The following RBM3 variants were observed in gnomAD, a reference collection of about 807,000 sequenced individuals.
The protein encoded by RBM3 is RNA binding motif protein 3.
In RBM3, 3 loss-of-function variants were observed where a neutral mutation model predicts 12.0. The ratio of observed to expected loss-of-function variants is 0.25; its 90% CI spans 0.11 to 0.65. The LOEUF (loss-of-function observed/expected upper bound fraction) is 0.65, where lower values mean the gene tolerates loss of function less well. Among genes scored for constraint, RBM3 ranks in the 30% least tolerant of loss-of-function variants. The pLI, the probability that RBM3 is intolerant of heterozygous loss-of-function variation, is 0.84. For synonymous variants in RBM3, 58 were observed against 45.7 expected, an observed-to-expected ratio of 1.27 and a Z score of -1.08; for missense variants, 108 against 134.5, an observed-to-expected ratio of 0.80 and a Z score of 0.97.
Position 48,576,392 on chromosome X carries a change from C to A in RBM3, c.289C>A (p.His97Asn). ...RGTRGGGFGA[H>N]GRGRSYSRGG... ...AACCAGAGGAGGTGGCTTTGGGGCC[C>A]ATGGGCGTGGTCGCAGCTACTCTAG... Residue 97 changes from histidine (H) to asparagine (N), a missense_variant, in exon 4 of 7, where the codon CAT becomes AAT. By Grantham distance (68) the His-to-Asn change is moderately conservative (BLOSUM62 1). This residue lies in a region of RBM3 where 65 missense variants were observed against 54.9 expected (regional missense o/e 1.18). Transcript: ENST00000376759. 8.3e-7 allele frequency: 1 copy of A among 1,210,890 alleles called. No homozygotes were observed. Among genetic ancestry groups the A allele is most frequent in the Admixed American group, 2.2e-5 (1 of 45,924 alleles).
At chrX:48,575,942 G>A (rs2062078082) in intron 3 of RBM3, 1 of 576,793 alleles carries the variant, frequency 1.7e-6, no homozygotes, top group Admixed American at 4.0e-5. Flanking sequence ...CTGCAGACCT[G>A]TGGGCCTGGC....
chrX:48,575,417 A>C, intron 2 of RBM3, 134 bp downstream of exon 2: 1 of 796,435 alleles, frequency 1.3e-6, no homozygotes, highest in Non-Finnish European at 1.8e-6. Flanking sequence ...GGTGTAGACT[A>C]AGGATGAGGG....
chrX:48,579,300 A>G lies in RBM3; in HGVS notation c.*1859A>G, dbSNP rs991731174. 5.4e-5 allele frequency among the ~76,000 whole-genome samples: 6 copies of G among 112,049 alleles called. No individual in the cohort carries two copies. Among genetic ancestry groups the G allele is most frequent in the African/African-American group, 1.3e-4 (4 of 30,862 alleles). On this transcript the variant is annotated 3_prime_UTR_variant, in exon 7 of 7. Transcript: ENST00000376759. ...ACCACCAGGTTGCAAACTCCAGGAC[A>G]TTATTGTCCTGAGCTGCCTATTCCC... is the stretch of plus-strand genomic sequence containing the variant.
rs1556989301 is a variant in RBM3, at chrX:48,576,547, A to G, written c.356A>G (p.Asp119Gly). 1.7e-5 allele frequency: 20 copies of G among 1,187,483 alleles called. No homozygotes were observed. The highest frequency in any genetic ancestry group is 1.7e-5 in the Non-Finnish European group (15 of 882,917). ...GGCTATGGGAGTGGCAGGTATTATG[A>G]CAGTCGACCTGGAGGGTATGGATAT... The part of the protein sequence containing the change: ...DQGYGSGRYY[D>G]SRPGGYGYGY... The change falls in exon 5 of 7, where the codon GAC (aspartate) becomes GGC (glycine). Residue 119 changes from aspartate (D) to glycine (G), a missense_variant. Physicochemically the swap from Asp to Gly is moderately conservative, Grantham distance 94. Transcript: ENST00000376759.
intron 3 of RBM3, chrX:48,576,022 C>A (rs2062078342): frequency 1.0e-6 from 1 of 964,442 alleles, no homozygotes; most frequent in East Asian, 3.4e-5. Context: ...GTCTGTCTAG[C>A]CCTGATAGTC....
intron 5 of RBM3, 137 bp downstream of exon 5, chrX:48,576,741 T>G: frequency 9.9e-7 from 1 of 1,007,371 alleles, no homozygotes; most frequent in Non-Finnish European, 1.3e-6. Flanking sequence ...GCATTTTAAG[T>G]TAATTGTGTA....
In RBM3 at chrX:48,578,368, T is replaced by C. The variant is rs1254866321; in HGVS notation, c.*927T>C. ...TGGGCGGATCACCTGAGGTCAGGAGTTCGAGACCAGCCTGGCCAACAGGGC... is the reference window on the plus strand; with the variant it reads ...TGGGCGGATCACCTGAGGTCAGGAGCTCGAGACCAGCCTGGCCAACAGGGC... On this transcript the variant is annotated 3_prime_UTR_variant, in exon 7 of 7. Transcript: ENST00000376759. 1 of 110,197 alleles carries C rather than the reference T, an allele frequency of 9.1e-6. No individual in the cohort carries two copies. Among genetic ancestry groups the C allele is most frequent in the Non-Finnish European group, 1.9e-5 (1 of 52,794 alleles). 9.1% of individuals were successfully genotyped at this position (110,197 alleles called of 1,213,427 possible). A position where few individuals can be genotyped will look rare whatever the true frequency, so the allele number is the denominator to read the frequency against.
At chrX:48,576,100 G>A in intron 3 of RBM3, 1 of 1,145,727 alleles carries the variant, frequency 8.7e-7, no homozygotes, top group Non-Finnish European at 1.2e-6. Context: ...AGTAGCAAGG[G>A]GAACATGGTG....
chrX:48,576,126 G>A lies in RBM3; in HGVS notation c.211-188G>A, dbSNP rs1402554751. On this transcript the variant is annotated intron_variant, in intron 3 of 6. Coordinates refer to ENST00000376759, the MANE Select transcript of RBM3 (RefSeq NM_006743.5). The stretch of plus-strand genomic sequence containing the variant: ...GAACATGGTGCATTCAGGTCATTTT[G>A]TGTGGGATTCTATAGCTCCTGATGA... 4 of 1,157,204 alleles carry A rather than the reference G, an allele frequency of 3.5e-6. No homozygotes were observed. The African/African-American group carries it at 7.2e-5, about 21-fold the overall frequency.
Position 48,576,582 on chromosome X carries a change from C to T in RBM3, c.391C>T (p.Arg131Cys), listed in dbSNP as rs2062081176. The stretch of plus-strand genomic sequence containing the variant: ...TGGAGGGTATGGATATGGATATGGA[C>T]GTTCCAGAGACTATAATGGCAGGTG... ...RPGGYGYGYG[R>C]SRDYNGRNQG... Residue 131 changes from arginine (R) to cysteine (C), a missense_variant, in exon 5 of 7, where the codon CGT becomes TGT. This residue lies in a region of RBM3 where 65 missense variants were observed against 54.9 expected (regional missense o/e 1.18). Transcript: ENST00000376759. 2 of 1,175,339 alleles carry T rather than the reference C, an allele frequency of 1.7e-6. No individual in the cohort carries two copies. Among genetic ancestry groups the T allele is most frequent in the Non-Finnish European group, 1.1e-6 (1 of 877,515 alleles).
At position 48,579,991 on chromosome X, in the gene RBM3, A is replaced by G. The variant is rs235826; in HGVS notation, c.*2550A>G. On this transcript the variant is annotated 3_prime_UTR_variant, in exon 7 of 7. Coordinates refer to ENST00000376759, the MANE Select transcript of RBM3 (RefSeq NM_006743.5). ...CCCTTAAAGTGCTTGTTGGTCTCCT[A>G]CTTTGGTTTGTCTTCAGCATCCAAC... 0.47 allele frequency: 52,025 copies of G among 109,677 alleles called. 9,724 individuals carry two copies. Among genetic ancestry groups the G allele is most frequent in the Middle Eastern group, 0.58 (125 of 214 alleles). The allele number at this position is 109,677 out of a possible 1,213,427, so 9.0% of individuals were successfully genotyped here.
rs1556989946 is a variant in RBM3, at chrX:48,578,716, T to C, written c.*1275T>C. ...TTCCTTAACTGGTCTCTTATCTTAG[T>C]CCCATTGTTCTGAGAACATAAGCAC... On this transcript the variant is annotated 3_prime_UTR_variant, in exon 7 of 7. Transcript: ENST00000376759. 1 of 112,034 alleles carries C rather than the reference T, an allele frequency of 8.9e-6. No individual in the cohort carries two copies. Among genetic ancestry groups the C allele is most frequent in the Admixed American group, 9.5e-5 (1 of 10,481 alleles). The allele number at this position is 112,034 out of a possible 1,213,427, so 9.2% of individuals were successfully genotyped here.
Position 48,579,473 on chromosome X carries a change from C to T in RBM3, c.*2032C>T, listed in dbSNP as rs1482002477. ...ATTTGCTTTGGCAGGTGGATGGAGA[C>T]TTGGGAACTTCCACCTCACCCACTA... On this transcript the variant is annotated 3_prime_UTR_variant, in exon 7 of 7. Coordinates refer to ENST00000376759, the MANE Select transcript of RBM3 (RefSeq NM_006743.5). Among the ~76,000 whole-genome samples, 1 of 111,902 alleles carries T rather than the reference C, an allele frequency of 8.9e-6. No homozygotes were observed. The highest frequency in any genetic ancestry group is 3.2e-5 in the African/African-American group (1 of 30,801).
In RBM3 at chrX:48,580,340, A is replaced by T. The variant is rs2062096991; in HGVS notation, c.*2899A>T. On this transcript the variant is annotated 3_prime_UTR_variant, in exon 7 of 7. Coordinates refer to ENST00000376759, the MANE Select transcript of RBM3 (RefSeq NM_006743.5). ...GTTTAATTTCTTCTCTGCCTCAGTT[A>T]TAACATCCATAAAATGGAAATAATA... Among the ~76,000 whole-genome samples the T allele has an allele frequency of 8.9e-6, 1 of 111,833 alleles. No individual in the cohort carries two copies. Among genetic ancestry groups the T allele is most frequent in the Admixed American group, 9.6e-5 (1 of 10,398 alleles).
At chrX:48,576,643 C>A in intron 5 of RBM3, 39 bp downstream of exon 5, 1 of 1,158,687 alleles carries the variant, frequency 8.6e-7, no homozygotes, top group Non-Finnish European at 1.2e-6. Context: ...CCTATTGCTT[C>A]CCTCTCCTTA....
In RBM3 at chrX:48,578,305, A is replaced by C. The variant is rs1376654749; in HGVS notation, c.*864A>C. ...CCTGAGAACAAACTGCTTTATTCTT[A>C]CTCAGCCCATTTTGCAAATTAAAAG... On this transcript the variant is annotated 3_prime_UTR_variant, in exon 7 of 7. Coordinates refer to ENST00000376759, the MANE Select transcript of RBM3 (RefSeq NM_006743.5). The C allele has an allele frequency of 1.8e-5, 2 of 110,761 alleles. No individual in the cohort carries two copies. The highest frequency in any genetic ancestry group is 1.9e-4 in the Admixed American group (2 of 10,260). 9.1% of individuals were successfully genotyped at this position (110,761 alleles called of 1,213,427 possible). A position where few individuals can be genotyped will look rare whatever the true frequency, so the allele number is the denominator to read the frequency against.
intron 6 of RBM3, 105 bp downstream of exon 6, chrX:48,577,214 C>T: frequency 8.6e-7 from 1 of 1,160,864 alleles, no homozygotes; most frequent in East Asian, 3.2e-5. Context: ...GCCCTCATAC[C>T]TCACCCAGCC....
intron 6 of RBM3, 42 bp downstream of exon 6, chrX:48,577,151 A>G (rs1225050237): frequency 8.3e-7 from 1 of 1,206,120 alleles, no homozygotes; most frequent in African/African-American, 1.8e-5. Flanking sequence ...TGTTTGTCAC[A>G]CTCTGTCATG....
Position 48,581,154 on chromosome X carries a change from G to T in RBM3, c.*3713G>T, listed in dbSNP as rs2062100352. 1 of 110,392 alleles carries T rather than the reference G, an allele frequency of 9.1e-6. No homozygotes were observed. Among genetic ancestry groups the T allele is most frequent in the African/African-American group, 3.3e-5 (1 of 30,289 alleles). The allele number at this position is 110,392 out of a possible 1,213,427, so 9.1% of individuals were successfully genotyped here. On this transcript the variant is annotated 3_prime_UTR_variant, in exon 7 of 7. Coordinates refer to ENST00000376759, the MANE Select transcript of RBM3 (RefSeq NM_006743.5). ...TATTCTTAATAAACATTTCTAATATGCTGTGAAAGAGTATATTCGTTTTTT... is the reference window on the plus strand; with the variant it reads ...TATTCTTAATAAACATTTCTAATATTCTGTGAAAGAGTATATTCGTTTTTT...
Sources: allele counts gnomAD v4.1 joint callset (sites outside exome capture counted in the v4.1 genomes callset), GRCh38; gene constraint gnomAD v4.1.1; regional missense constraint gnomAD v4.1.1; transcripts MANE v1.5; gene names NCBI Gene and HGNC (gene_info 2026-07-23, HGNC 2026-07-21).